The following PPP1R1C variants were observed in gnomAD, a reference collection of about 807,000 sequenced individuals.
PPP1R1C encodes protein phosphatase 1 regulatory inhibitor subunit 1C.
A neutral mutation model predicts 17.4 loss-of-function variants in PPP1R1C; 15 were observed. That is an observed-to-expected ratio of 0.86 (90% CI 0.58 to 1.33). The LOEUF is 1.33. PPP1R1C is among the 40% of genes most tolerant of loss of function. The probability of loss-of-function intolerance (pLI) is 0.00; values close to 1 mark genes in which losing one functional copy is unlikely to be tolerated. For synonymous variants in PPP1R1C, 35 were observed against 43.1 expected (o/e 0.81, Z 0.73); for missense variants, 143 against 130.0 (o/e 1.10, Z -0.48).
intron 4 of PPP1R1C, among the ~76,000 whole-genome samples, chr2:182,096,169 G>A (rs1240072476): frequency 6.6e-6 from 1 of 152,110 alleles, no homozygotes; most frequent in Non-Finnish European, 1.5e-5. Context: ...GGTAGTTGTG[G>A]GAAAACATAA....
intron 4 of PPP1R1C, among the ~76,000 whole-genome samples, chr2:182,080,343 C>G (rs1338840315): frequency 1.3e-5 from 2 of 152,210 alleles, no homozygotes; most frequent in Admixed American, 1.3e-4. Context: ...AATGGTATCA[C>G]TATCCCCCAT....
chr2:182,039,354 G>T (rs757844689), intron 2 of PPP1R1C, among the ~76,000 whole-genome samples: 5 of 152,028 alleles, frequency 3.3e-5, no homozygotes, highest in Non-Finnish European at 5.9e-5. Context: ...GTAGCTTTTG[G>T]AGTATAAGTG....
intron 2 of PPP1R1C, among the ~76,000 whole-genome samples, chr2:182,053,368 T>C (rs756590918): frequency 2.6e-5 from 4 of 152,240 alleles, no homozygotes; most frequent in Non-Finnish European, 4.4e-5. Flanking sequence ...GTTGATCTTA[T>C]TCATTGATAA....
intron 3 of PPP1R1C, among the ~76,000 whole-genome samples, chr2:182,061,879 A>G (rs539150591): frequency 1.3e-5 from 2 of 152,196 alleles, no homozygotes; most frequent in East Asian, 3.9e-4. Context: ...GTCTGAGGCC[A>G]GAGTCTAGGG....
upstream of PPP1R1C, among the ~76,000 whole-genome samples, chr2:181,982,917 A>G (rs551309960): frequency 1.4e-4 from 22 of 152,278 alleles, no homozygotes; most frequent in Non-Finnish European, 7.4e-5. Flanking sequence ...TTAATCTTTA[A>G]TGATTGAACC....
chr2:182,032,676 T>C (rs968797556), intron 2 of PPP1R1C, among the ~76,000 whole-genome samples: 1 of 152,174 alleles, frequency 6.6e-6, no homozygotes, highest in Non-Finnish European at 1.5e-5. Context: ...CTAGTTCCAC[T>C]ACTTACAAGC....
upstream of PPP1R1C, among the ~76,000 whole-genome samples, chr2:181,982,528 A>G (rs1009275535): frequency 6.6e-6 from 1 of 152,236 alleles, no homozygotes; most frequent in African/African-American, 2.4e-5. Context: ...GGAAATTATT[A>G]TAGAATAACA....
intron 4 of PPP1R1C, among the ~76,000 whole-genome samples, chr2:182,073,514 G>A (rs1461118557): frequency 6.6e-6 from 1 of 152,148 alleles, no homozygotes; most frequent in Non-Finnish European, 1.5e-5. Context: ...TTTAGTTCAA[G>A]ATAAGCTAAT....
At chr2:182,036,449 T>C (rs1687005923) in intron 2 of PPP1R1C, among the ~76,000 whole-genome samples, 1 of 152,230 alleles carries the variant, frequency 6.6e-6, no homozygotes, top group African/African-American at 2.4e-5. Context: ...TTCATGTATA[T>C]AACTAAAATG....
At chr2:181,955,793 C>A (rs1456962189) in intron 1 of PPP1R1C, among the ~76,000 whole-genome samples, 1 of 152,150 alleles carries the variant, frequency 6.6e-6, no homozygotes, top group Non-Finnish European at 1.5e-5. Context: ...ATCTTCAATT[C>A]TAGCACACAG....
intron 3 of PPP1R1C, among the ~76,000 whole-genome samples, chr2:182,063,153 T>C (rs1687893707): frequency 6.6e-6 from 1 of 152,052 alleles, no homozygotes; most frequent in Admixed American, 6.6e-5. Flanking sequence ...GGTAAGAGTG[T>C]CACATAACAG....
At chr2:182,021,561 C>T (rs1161138736) in intron 2 of PPP1R1C, among the ~76,000 whole-genome samples, 2 of 151,966 alleles carry the variant, frequency 1.3e-5, no homozygotes, top group African/African-American at 4.8e-5. Context: ...CTCTTGACCT[C>T]ATGATCCTCC....
chr2:182,061,562 T>C (rs1370666690), intron 3 of PPP1R1C, 83 bp downstream of exon 3: 1 of 716,720 alleles, frequency 1.4e-6, no homozygotes, highest in Non-Finnish European at 2.1e-6. Context: ...GTGATATAAA[T>C]AATGATACAA....
intron 4 of PPP1R1C, among the ~76,000 whole-genome samples, chr2:182,106,619 A>C (rs928787685): frequency 6.6e-6 from 1 of 152,068 alleles, no homozygotes; most frequent in South Asian, 2.1e-4. Flanking sequence ...ATGTGATCCA[A>C]TTTTTTTCTT....
At chr2:181,965,627 C>T (rs951152685) in intron 1 of PPP1R1C, among the ~76,000 whole-genome samples, 23 of 151,962 alleles carry the variant, frequency 1.5e-4, no homozygotes, top group African/African-American at 3.4e-4. Context: ...TATTTGTTTC[C>T]GGGTTCTCAG....
At chr2:182,031,973 T>G (rs141554228) in intron 2 of PPP1R1C, among the ~76,000 whole-genome samples, 1 of 152,198 alleles carries the variant, frequency 6.6e-6, no homozygotes, top group African/African-American at 2.4e-5. Flanking sequence ...TGGAGAGAGT[T>G]AGAAATTTTG....
At chr2:182,062,355 T>C (rs1391971382) in intron 3 of PPP1R1C, among the ~76,000 whole-genome samples, 1 of 152,042 alleles carries the variant, frequency 6.6e-6, no homozygotes, top group Non-Finnish European at 1.5e-5. Context: ...ACAACAACAA[T>C]AAAAAAATTT....
intron 2 of PPP1R1C, among the ~76,000 whole-genome samples, chr2:182,055,058 AT>A (rs1279250982): frequency 3.3e-5 from 5 of 149,458 alleles, no homozygotes; most frequent in East Asian, 3.9e-4. Flanking sequence ...TCCAGTTGTC[AT>A]TTTGTTTTTA....
intron 2 of PPP1R1C, among the ~76,000 whole-genome samples, chr2:182,051,656 C>T (rs768873808): frequency 7.1e-6 from 1 of 140,068 alleles, no homozygotes; most frequent in Non-Finnish European, 1.5e-5. Flanking sequence ...CCTTAGAAAA[C>T]AATTAGACAA....
Sources: allele counts gnomAD v4.1 joint callset (sites outside exome capture counted in the v4.1 genomes callset), GRCh38; gene constraint gnomAD v4.1.1; transcripts MANE v1.5; gene names NCBI Gene and HGNC (gene_info 2026-07-23, HGNC 2026-07-21).